MDN1: variants seen among roughly 807,000 people sequenced by gnomAD.
The protein encoded by MDN1 is midasin AAA ATPase 1.
A neutral mutation model predicts 669.2 loss-of-function variants in MDN1; 266 were observed. The ratio of observed to expected loss-of-function variants is 0.40; its 90% CI spans 0.36 to 0.44. The LOEUF is 0.44. MDN1 is among the 20% of genes least tolerant of loss of function. MDN1 has a pLI of 1.00. For missense variants in MDN1, 5,940 were observed against 6,754.0 expected (o/e 0.88, Z 4.22); for synonymous variants, 2,385 against 2,457.1 (o/e 0.97, Z 0.87).
chr6:89,809,996 A>T (rs1226606668), intron 1 of MDN1, among the ~76,000 whole-genome samples: 18 of 23,614 alleles, frequency 7.6e-4, no homozygotes, highest in Non-Finnish European at 1.8e-3. Context: ...GTTTCACTAA[A>T]AAAAAAAAAA....
chr6:89,758,163 G>A (rs950508147), intron 19 of MDN1, 92 bp downstream of exon 19: 14 of 990,692 alleles, frequency 1.4e-5, no homozygotes, highest in Non-Finnish European at 1.8e-5. Context: ...GGGACTTGCA[G>A]TGAGCCAAGA....
At position 89,673,319 on chromosome 6, in the gene MDN1, T is replaced by C. The variant is rs773927498; in HGVS notation, c.13391A>G (p.Glu4464Gly). ...DSQMALVESL[E>G]YVRGEISKAM... ...TTTACTAATTTCTCCTCTTACATAT[T>C]CCAGACTTTCAACTAGTGCCATTTG... The change falls in exon 80 of 102, where the codon GAA becomes GGA. Residue 4464 changes from glutamate (E) to glycine (G), a missense_variant. By Grantham distance (98) the Glu-to-Gly change is moderately conservative (BLOSUM62 -2). Transcript: ENST00000369393. The C allele has an allele frequency of 6.2e-7, 1 of 1,614,160 alleles. No individual in the cohort carries two copies. Among genetic ancestry groups the C allele is most frequent in the Non-Finnish European group, 8.5e-7 (1 of 1,180,020 alleles).
intron 73 of MDN1, among the ~76,000 whole-genome samples, chr6:89,682,185 T>C (rs1458935335): frequency 6.6e-6 from 1 of 152,194 alleles, no homozygotes; most frequent in African/African-American, 2.4e-5. Flanking sequence ...ACGGCACATA[T>C]TCACACCCTG....
chr6:89,723,649 G>T, intron 38 of MDN1, 30 bp from the exon 39 acceptor site: 2 of 1,325,932 alleles, frequency 1.5e-6, no homozygotes, highest in Non-Finnish European at 2.1e-6. Context: ...ATGAAGAAAT[G>T]CCTTTGTTTC....
intron 9 of MDN1, 84 bp from the exon 10 acceptor site, chr6:89,781,676 G>C: frequency 8.3e-7 from 1 of 1,200,192 alleles, no homozygotes; most frequent in East Asian, 2.4e-5. Context: ...AAACTGGTCA[G>C]CCAAAAATTG....
At chr6:89,656,278 T>C (rs1458583614) in intron 91 of MDN1, among the ~76,000 whole-genome samples, 1 of 152,114 alleles carries the variant, frequency 6.6e-6, no homozygotes, top group East Asian at 1.9e-4. Context: ...GAGGGTCCCT[T>C]GGGGACAGGA....
Position 89,787,892 on chromosome 6 carries a change from C to T in MDN1, c.1296G>A (p.Leu432=). 1 of 1,613,760 alleles carries T rather than the reference C, an allele frequency of 6.2e-7. No individual in the cohort carries two copies. The stretch of plus-strand genomic sequence containing the variant: ...AAAACTGAAATCCAGGTGCCACTTT[C>T]AGACAGTCACCTCGGCCAGGAATCA... ...ELLIPGRGDC[L]KVAPGFQFFA... is the part of the protein sequence containing the mutation. Residue 432 remains leucine, a synonymous_variant, in exon 8 of 102, where the codon CTG becomes CTA. Coordinates refer to ENST00000369393, the MANE Select transcript of MDN1 (RefSeq NM_014611.3).
intron 2 of MDN1, among the ~76,000 whole-genome samples, chr6:89,802,578 A>C (rs1367709895): frequency 2.0e-5 from 3 of 152,050 alleles, no homozygotes; most frequent in Non-Finnish European, 4.4e-5. Flanking sequence ...CCAGCTACTC[A>C]GGAGGCTGAG....
intron 24 of MDN1, 82 bp from the exon 25 acceptor site, chr6:89,749,833 T>C (rs999438304): frequency 3.6e-6 from 4 of 1,106,802 alleles, no homozygotes; most frequent in Middle Eastern, 2.6e-4. Flanking sequence ...CAACAAATCC[T>C]AGGTTATCAT....
In MDN1 at chr6:89,654,287, C is replaced by G. The variant is rs771469148; in HGVS notation, c.15538G>C (p.Asp5180His). ...TCCTCTATCTCCTCCTCTTCCTGAT[C>G]TTTGCCAGAGTCTTTTGCAGACTGT... ...QQQSAKDSGK[D>H]QEEEEIEDTL... The change falls in exon 93 of 102, where the codon GAT becomes CAT. Residue 5180 changes from aspartate (D) to histidine (H), a missense_variant. Asp to His is a moderately conservative substitution (Grantham distance 81). Around this residue, in one of 5 missense-constraint regions of MDN1, gnomAD observed 2,280 missense variants for 2,576.3 expected, o/e 0.88. Coordinates refer to ENST00000369393, the MANE Select transcript of MDN1 (RefSeq NM_014611.3). 6.2e-7 allele frequency: 1 copy of G among 1,614,234 alleles called. No homozygotes were observed. The highest frequency in any genetic ancestry group is 8.5e-7 in the Non-Finnish European group (1 of 1,180,040).
chr6:89,699,929 C>A, intron 57 of MDN1, 134 bp downstream of exon 57: 1 of 1,142,348 alleles, frequency 8.8e-7, no homozygotes, highest in South Asian at 1.6e-5. Flanking sequence ...TTTGGCTTTC[C>A]AAAGTGGCAA....
chr6:89,712,420 A>G (rs1345106657), intron 48 of MDN1, among the ~76,000 whole-genome samples, 155 bp downstream of exon 48: 3 of 152,214 alleles, frequency 2.0e-5, no homozygotes, highest in Non-Finnish European at 2.9e-5. Flanking sequence ...TAAATAATCA[A>G]TAGGGAGCAA....
Position 89,743,513 on chromosome 6 carries a change from C to T in MDN1, c.4317+63G>A, listed in dbSNP as rs1335416938. On this transcript the variant is annotated intron_variant, in intron 30 of 101. Coordinates refer to ENST00000369393, the MANE Select transcript of MDN1 (RefSeq NM_014611.3). Reference sequence around the variant, plus strand: ...GAACCCAGCTCCAGAAACCCCACCACTAACTCATGCACAGCTAACTGCAGT... The same window carrying T: ...GAACCCAGCTCCAGAAACCCCACCATTAACTCATGCACAGCTAACTGCAGT... 6.4e-6 allele frequency: 10 copies of T among 1,556,884 alleles called. No individual in the cohort carries two copies. The African/African-American group carries it at 9.6e-5, about 15-fold the overall frequency.
chr6:89,671,310 T>C (rs1319835631), intron 82 of MDN1, among the ~76,000 whole-genome samples: 1 of 152,182 alleles, frequency 6.6e-6, no homozygotes, highest in Non-Finnish European at 1.5e-5. Context: ...CAAACCGATG[T>C]CTCCTTTGGC....
chr6:89,752,852 C>T (rs6900935), intron 22 of MDN1, among the ~76,000 whole-genome samples: 10,926 of 152,136 alleles, frequency 0.072, 563 homozygotes, highest in Non-Finnish European at 0.11. Flanking sequence ...GGGCCGGGCA[C>T]GGTGACTCAC....
intron 2 of MDN1, among the ~76,000 whole-genome samples, chr6:89,796,998 G>T (rs987663249): frequency 2.6e-5 from 4 of 152,006 alleles, no homozygotes; most frequent in African/African-American, 9.7e-5. Flanking sequence ...AACCTGGGAG[G>T]CGAAGGTTGC....
In MDN1 at chr6:89,722,940, A is replaced by C. The variant is rs1814944049; in HGVS notation, c.5967+15T>G. ...TCAGATGGAAAGAAATACAAATACC[A>C]AGCGTGAAACTCACCTTTTTTTTGT... On this transcript the variant is annotated intron_variant, in intron 40 of 101. Transcript: ENST00000369393. 1 of 1,596,658 alleles carries C rather than the reference A, an allele frequency of 6.3e-7. No homozygotes were observed.
Position 89,790,216 on chromosome 6 carries a change from A to C in MDN1, c.1041T>G (p.Gly347=), listed in dbSNP as rs748704733. The part of the protein sequence containing the change: ...SLVEYLAAVT[G]RTKPPQLLKV... ...TGAGAAGCTGAGGAGGCTTTGTTCT[A>C]CCTGTCACTGCAGCTAAATATTCAA... is the stretch of plus-strand genomic sequence containing the variant. Residue 347 remains glycine (G), a synonymous_variant, in exon 6 of 102, where the codon GGT becomes GGG. Coordinates refer to ENST00000369393, the MANE Select transcript of MDN1 (RefSeq NM_014611.3). The C allele has an allele frequency of 3.7e-6, 6 of 1,614,032 alleles. No homozygotes were observed. The African/African-American group carries it at 8.0e-5, about 22-fold the overall frequency.
Position 89,701,138 on chromosome 6 carries a change from G to A in MDN1, c.8428-282C>T, listed in dbSNP as rs534928150. 2.0e-5 allele frequency among the ~76,000 whole-genome samples: 3 copies of A among 152,286 alleles called. No individual in the cohort carries two copies. In the East Asian group the frequency reaches 5.8e-4, roughly 29 times the overall value. Reference sequence around the variant, plus strand: ...TGCCCTCTTGTTATGTGCGGGTTCCGCATCAATTCAACCAACCGTGGGTCG... The same window carrying A: ...TGCCCTCTTGTTATGTGCGGGTTCCACATCAATTCAACCAACCGTGGGTCG... On this transcript the variant is annotated intron_variant, in intron 55 of 101. Coordinates refer to ENST00000369393, the MANE Select transcript of MDN1 (RefSeq NM_014611.3).
Sources: gnomAD v4.1 joint callset for allele counts (sites outside exome capture counted in the v4.1 genomes callset) on GRCh38, gnomAD v4.1.1 for gene constraint, gnomAD v4.1.1 regional missense constraint, MANE v1.5 for transcripts, NCBI Gene and HGNC (gene_info 2026-07-23, HGNC 2026-07-21) for gene names.